MDM4: variants seen among roughly 807,000 people sequenced by gnomAD.
MDM4 encodes protein Mdm4.
MDM4 carries 2 observed loss-of-function variants against 60.2 expected under a neutral mutation model. That is an observed-to-expected ratio of 0.03 (90% CI 0.01 to 0.10). The LOEUF (loss-of-function observed/expected upper bound fraction) is 0.10, where lower values mean the gene tolerates loss of function less well. MDM4 is among the 10% of genes least tolerant of loss of function. The probability of loss-of-function intolerance (pLI) is 1.00; values close to 1 mark genes in which losing one functional copy is unlikely to be tolerated. For synonymous variants in MDM4, 202 were observed against 198.1 expected, an observed-to-expected ratio of 1.02 and a Z score of -0.17; for missense variants, 447 against 577.5, an observed-to-expected ratio of 0.77 and a Z score of 2.32.
At chr1:204,542,330 G>A (rs1175237298) in intron 7 of MDM4, among the ~76,000 whole-genome samples, 1 of 152,140 alleles carries the variant, frequency 6.6e-6, no homozygotes, top group Non-Finnish European at 1.5e-5. Flanking sequence ...GATCTTAAGG[G>A]TTAGACCACT....
intron 1 of MDM4, among the ~76,000 whole-genome samples, chr1:204,519,106 G>C (rs1169776017): frequency 6.6e-6 from 1 of 152,208 alleles, no homozygotes; most frequent in Non-Finnish European, 1.5e-5. Flanking sequence ...TAAAAGATCA[G>C]GGTGGCTGAG....
intron 7 of MDM4, among the ~76,000 whole-genome samples, chr1:204,539,186 A>T (rs554844931): frequency 6.6e-6 from 1 of 151,858 alleles, no homozygotes; most frequent in Non-Finnish European, 1.5e-5. Flanking sequence ...GGGTTTTGCC[A>T]TGTTGGCCAG....
intron 3 of MDM4, chr1:204,528,988 C>A: frequency 6.5e-7 from 1 of 1,534,706 alleles, no homozygotes. Context: ...AGCTGTCTGG[C>A]AGGATTGACA....
At chr1:204,531,211 A>G (rs770347933) in intron 4 of MDM4, among the ~76,000 whole-genome samples, 14 of 152,232 alleles carry the variant, frequency 9.2e-5, no homozygotes, top group Non-Finnish European at 1.6e-4. Context: ...GTAGTCAATC[A>G]GAGAGTTTGA....
intron 9 of MDM4, 46 bp downstream of exon 9, chr1:204,544,730 A>G (rs1333030940): frequency 6.4e-7 from 1 of 1,557,848 alleles, no homozygotes; most frequent in Admixed American, 1.7e-5. Context: ...GTGTGCTCAT[A>G]GTATCATCTG....
chr1:204,546,789 CT>C lies in MDM4; in HGVS notation c.823-6del, dbSNP rs1558334794. The C allele has an allele frequency of 6.2e-7, 1 of 1,602,746 alleles. No homozygotes were observed. The highest frequency in any genetic ancestry group is 8.5e-7 in the Non-Finnish European group (1 of 1,171,210). On this transcript the variant is annotated splice_polypyrimidine_tract_variant and splice_region_variant and intron_variant, in intron 9 of 10. Transcript: ENST00000367182. Reference sequence around the variant, plus strand: ...AACATTACTAATGAGATGTTTTTGCCTTCACAGGTGATTGAAGTGGGAAAAA... The same window carrying C: ...AACATTACTAATGAGATGTTTTTGCCTCACAGGTGATTGAAGTGGGAAAAA...
chr1:204,549,487 C>T lies in MDM4; in HGVS notation c.1278C>T (p.Asn426=), dbSNP rs1663001117. Residue 426 remains asparagine, a synonymous_variant, in exon 11 of 11, where the codon AAC becomes AAT. Transcript: ENST00000367182. ...CTGAACAGAGAACAGATACAGAAAA[C>T]ATGGAGGATTGCCAGAATCTCTTGA... The part of the protein sequence containing the change: ...NLSEQRTDTE[N]MEDCQNLLKP... 1.2e-6 allele frequency: 2 copies of T among 1,610,138 alleles called. No homozygotes were observed. The highest frequency in any genetic ancestry group is 1.7e-4 in the Middle Eastern group (1 of 6,054).
intron 1 of MDM4, among the ~76,000 whole-genome samples, chr1:204,518,387 TC>T (rs1659210577): frequency 6.6e-6 from 1 of 152,204 alleles, no homozygotes; most frequent in Non-Finnish European, 1.5e-5. Flanking sequence ...AGTTTAATCT[TC>T]CCACTTTAAT....
chr1:204,528,902 T>C, intron 3 of MDM4: 1 of 1,594,494 alleles, frequency 6.3e-7, no homozygotes, highest in East Asian at 2.2e-5. Flanking sequence ...GAATGTTGCC[T>C]TGTACAGCTG....
intron 5 of MDM4, chr1:204,532,664 A>C: frequency 8.6e-7 from 1 of 1,168,052 alleles, no homozygotes; most frequent in East Asian, 2.4e-5. Context: ...TACTTGAATT[A>C]GGATCCAAAG....
At chr1:204,539,313 A>C (rs537367365) in intron 7 of MDM4, among the ~76,000 whole-genome samples, 1 of 152,122 alleles carries the variant, frequency 6.6e-6, no homozygotes, top group African/African-American at 2.4e-5. Context: ...GAAGTTTGCA[A>C]AGATGACATA....
In MDM4 at chr1:204,557,757, A is replaced by G. The variant is rs1427952546; in HGVS notation, c.*8075A>G. The G allele has an allele frequency of 1.6e-5, 3 of 186,612 alleles. No homozygotes were observed. Among genetic ancestry groups the G allele is most frequent in the African/African-American group, 7.0e-5 (3 of 42,704 alleles). The allele number at this position is 186,612 out of a possible 1,614,324, so 11.6% of individuals were successfully genotyped here. On this transcript the variant is annotated 3_prime_UTR_variant, in exon 11 of 11. Transcript: ENST00000367182. The stretch of plus-strand genomic sequence containing the variant: ...AGGTGGCATAAAATGCACTGTCAAT[A>G]TATAGAAAACATGAAATTTTCCAAA...
intron 5 of MDM4, chr1:204,532,525 T>G (rs1313224505): frequency 1.8e-6 from 1 of 553,766 alleles, no homozygotes; most frequent in Non-Finnish European, 3.1e-6. Flanking sequence ...GATAAGGACT[T>G]TTTTCTCCAA....
At chr1:204,547,188 T>TC (rs2102442848) in intron 10 of MDM4, among the ~76,000 whole-genome samples, 1 of 152,330 alleles carries the variant, frequency 6.6e-6, no homozygotes, top group African/African-American at 2.4e-5. Flanking sequence ...TGCACTGCTT[T>TC]CCCTGACTCA....
chr1:204,543,892 C>A (rs1351971822), intron 8 of MDM4, among the ~76,000 whole-genome samples: 1 of 152,164 alleles, frequency 6.6e-6, no homozygotes, highest in Admixed American at 6.5e-5. Flanking sequence ...TTTTCCATTA[C>A]CTGGTACCTA....
chr1:204,531,568 G>A (rs948186495), intron 4 of MDM4, among the ~76,000 whole-genome samples: 14 of 152,174 alleles, frequency 9.2e-5, no homozygotes, highest in African/African-American at 3.4e-4. Flanking sequence ...GGTGGCTCAA[G>A]CCTGTAATTC....
intron 3 of MDM4, chr1:204,528,992 A>G: frequency 1.3e-6 from 2 of 1,532,908 alleles, no homozygotes; most frequent in East Asian, 2.3e-5. Flanking sequence ...GTCTGGCAGG[A>G]TTGACAGAGC....
chr1:204,555,160 T>C lies in MDM4; in HGVS notation c.*5478T>C, dbSNP rs990314565. 1.1e-4 allele frequency: 17 copies of C among 160,096 alleles called. No individual in the cohort carries two copies. Among genetic ancestry groups the C allele is most frequent in the African/African-American group, 4.2e-4 (17 of 40,024 alleles). The allele number at this position is 160,096 out of a possible 1,614,324, so 9.9% of individuals were successfully genotyped here. The stretch of plus-strand genomic sequence containing the variant: ...ACAGTTAGTAGAACTCTCCATTTCT[T>C]TTTTTTTTTTTTTAGACGGAGTCTC... On this transcript the variant is annotated 3_prime_UTR_variant, in exon 11 of 11. Coordinates refer to ENST00000367182, the MANE Select transcript of MDM4 (RefSeq NM_002393.5).
intron 7 of MDM4, among the ~76,000 whole-genome samples, chr1:204,542,121 T>C (rs1219658393): frequency 1.3e-5 from 2 of 152,238 alleles, no homozygotes; most frequent in African/African-American, 4.8e-5. Flanking sequence ...GTGGTATGTC[T>C]AGATACTTAA....
Sources: allele counts gnomAD v4.1 joint callset (sites outside exome capture counted in the v4.1 genomes callset), GRCh38; gene constraint gnomAD v4.1.1; transcripts MANE v1.5; gene names NCBI Gene and HGNC (gene_info 2026-07-23, HGNC 2026-07-21).